The following COTL1 variants were observed in gnomAD, a reference collection of about 807,000 sequenced individuals.
The protein encoded by COTL1 is coactosin-like protein.
COTL1 carries 15 observed loss-of-function variants against 16.5 expected under a neutral mutation model. The ratio of observed to expected loss-of-function variants is 0.91; its 90% CI spans 0.61 to 1.40. The LOEUF is 1.40. Ranked by LOEUF, COTL1 falls within the 40% of genes most tolerant of loss-of-function variation. The pLI is 0.00. For missense variants in COTL1, 220 were observed against 201.5 expected (o/e 1.09, Z -0.56); for synonymous variants, 112 against 85.3 (o/e 1.31, Z -1.73).
chr16:84,612,506 G>A (rs1252912416), intron 2 of COTL1, among the ~76,000 whole-genome samples: 2 of 152,182 alleles, frequency 1.3e-5, no homozygotes, highest in African/African-American at 2.4e-5. Context: ...TTTGAGGCCG[G>A]GCGCGGTGGC....
Position 84,588,817 on chromosome 16 carries a change from C to T in COTL1, c.318+1288G>A, listed in dbSNP as rs372238369. Among the ~76,000 whole-genome samples the T allele has an allele frequency of 5.3e-5, 8 of 151,770 alleles. No individual in the cohort carries two copies. In the East Asian group the frequency reaches 1.4e-3, roughly 26 times the overall value. Reference sequence around the variant, plus strand: ...CAGGTGTGAGTCACTGTGCTCAGCCCGTTTTTGTTTTTGACAATTTGGTGA... The same window carrying T: ...CAGGTGTGAGTCACTGTGCTCAGCCTGTTTTTGTTTTTGACAATTTGGTGA... On this transcript the variant is annotated intron_variant, in intron 3 of 3. Coordinates refer to ENST00000262428, the MANE Select transcript of COTL1 (RefSeq NM_021149.5).
intron 3 of COTL1, among the ~76,000 whole-genome samples, chr16:84,587,180 G>C (rs1014105190): frequency 1.3e-5 from 2 of 152,202 alleles, no homozygotes; most frequent in Admixed American, 1.3e-4. Context: ...GGTTGAATAA[G>C]TGGTTTTCCA....
At chr16:84,597,154 C>A (rs78283382) in intron 2 of COTL1, among the ~76,000 whole-genome samples, 5,007 of 152,202 alleles carry the variant, frequency 0.033, 280 homozygotes, top group African/African-American at 0.11. Context: ...TGAGGCACTC[C>A]GAGGCACACA....
intron 3 of COTL1, among the ~76,000 whole-genome samples, chr16:84,570,954 CTTT>C (rs59583914): frequency 2.7e-5 from 4 of 147,664 alleles, no homozygotes; most frequent in Non-Finnish European, 4.5e-5. Flanking sequence ...CTCATTCCTG[CTTT>C]TTTTTTTTTT....
Position 84,566,663 on chromosome 16 carries a change from A to T in COTL1, c.*182T>A. Reference sequence around the variant, plus strand: ...GGTTCCATGAGCGTCATGAGATAGGACACGGCAGGGTTCTAAGGGAAGCGG... The same window carrying T: ...GGTTCCATGAGCGTCATGAGATAGGTCACGGCAGGGTTCTAAGGGAAGCGG... On this transcript the variant is annotated 3_prime_UTR_variant, in exon 4 of 4. Coordinates refer to ENST00000262428, the MANE Select transcript of COTL1 (RefSeq NM_021149.5). The T allele has an allele frequency of 3.5e-6, 2 of 563,642 alleles. No homozygotes were observed. The highest frequency in any genetic ancestry group is 3.0e-5 in the East Asian group (1 of 33,844). The allele number at this position is 563,642 out of a possible 1,614,324, so 34.9% of individuals were successfully genotyped here. A position where few individuals can be genotyped will look rare whatever the true frequency, so the allele number is the denominator to read the frequency against.
At chr16:84,617,021 A>C (rs551113322) in intron 2 of COTL1, among the ~76,000 whole-genome samples, 8 of 152,126 alleles carry the variant, frequency 5.3e-5, no homozygotes, top group Non-Finnish European at 8.8e-5. Context: ...TTTGCATCTG[A>C]TTCTACTCGT....
intron 3 of COTL1, among the ~76,000 whole-genome samples, chr16:84,586,553 A>G (rs1339135364): frequency 6.6e-6 from 1 of 152,224 alleles, no homozygotes; most frequent in Non-Finnish European, 1.5e-5. Flanking sequence ...GCTGAATTGT[A>G]CTTTAAAATG....
intron 2 of COTL1, among the ~76,000 whole-genome samples, chr16:84,617,290 G>C (rs1364396942): frequency 6.6e-6 from 1 of 152,208 alleles, no homozygotes; most frequent in South Asian, 2.1e-4. Context: ...GGATGGCGGA[G>C]GCAGGTGGGT....
chr16:84,617,346 G>A (rs1046993191), intron 2 of COTL1, among the ~76,000 whole-genome samples, 155 bp downstream of exon 2: 2 of 152,218 alleles, frequency 1.3e-5, no homozygotes, highest in East Asian at 1.9e-4. Context: ...GTTTTATGAG[G>A]CCTTAAAACG....
chr16:84,593,077 A>G (rs994110100), intron 2 of COTL1, among the ~76,000 whole-genome samples: 5 of 152,228 alleles, frequency 3.3e-5, no homozygotes, highest in Admixed American at 1.3e-4. Context: ...TTCATCATCA[A>G]CATCCAAATC....
At chr16:84,583,086 C>A (rs1277608509) in intron 3 of COTL1, among the ~76,000 whole-genome samples, 1 of 152,232 alleles carries the variant, frequency 6.6e-6, no homozygotes, top group Non-Finnish European at 1.5e-5. Context: ...TTCCCTGGTG[C>A]CAGAAGCCTT....
At chr16:84,602,890 G>A (rs1013716680) in intron 2 of COTL1, among the ~76,000 whole-genome samples, 12 of 151,848 alleles carry the variant, frequency 7.9e-5, no homozygotes, top group African/African-American at 2.9e-4. Context: ...AGGCCAAAAA[G>A]GCAGTGTTGC....
chr16:84,572,133 T>A (rs2150680010), intron 3 of COTL1, among the ~76,000 whole-genome samples: 1 of 152,356 alleles, frequency 6.6e-6, no homozygotes, highest in Non-Finnish European at 1.5e-5. Context: ...GGGAGTGGGC[T>A]TCATTGCATG....
chr16:84,589,808 C>T (rs1261036192), intron 3 of COTL1, among the ~76,000 whole-genome samples: 4 of 152,078 alleles, frequency 2.6e-5, no homozygotes, highest in African/African-American at 9.7e-5. Context: ...GTCCCCCCAC[C>T]AGTTCCCGTC....
Position 84,566,840 on chromosome 16 carries a change from T to C in COTL1, c.*5A>G. 6.3e-7 allele frequency: 1 copy of C among 1,577,008 alleles called. No individual in the cohort carries two copies. The highest frequency in any genetic ancestry group is 8.6e-7 in the Non-Finnish European group (1 of 1,159,514). On this transcript the variant is annotated 3_prime_UTR_variant, in exon 4 of 4. Transcript: ENST00000262428. The stretch of plus-strand genomic sequence containing the variant: ...TGGCAAGGGGTGGTGTGGCGGGGGC[T>C]GGGGTTACTCCGTCTGGGCGTCGTA...
chr16:84,590,339 A>T lies in COTL1; in HGVS notation c.161-77T>A. On this transcript the variant is annotated intron_variant, in intron 2 of 3. Transcript: ENST00000262428. The surrounding 1 kb of genome is among the most constrained non-coding windows in gnomAD (Gnocchi z 5.5). ...GTCATGTCCCTGGGGAGAGGCTGTG[A>T]GCCACGAGTGCGCCTGGAGCAGCAC... 1.3e-6 allele frequency: 2 copies of T among 1,544,000 alleles called. No individual in the cohort carries two copies. Among genetic ancestry groups the T allele is most frequent in the Non-Finnish European group, 1.8e-6 (2 of 1,133,998 alleles).
intron 3 of COTL1, among the ~76,000 whole-genome samples, chr16:84,578,708 T>A (rs1347901247): frequency 6.8e-6 from 1 of 146,824 alleles, no homozygotes; most frequent in Non-Finnish European, 1.5e-5. Context: ...CCCACACAGG[T>A]GCACACACAC....
At chr16:84,574,105 C>T (rs148856673) in intron 3 of COTL1, among the ~76,000 whole-genome samples, 1,874 of 152,044 alleles carry the variant, frequency 0.012, 49 homozygotes, top group African/African-American at 0.043. Context: ...GAGGTCGAGG[C>T]TGCCGTGAGC....
chr16:84,613,747 A>G (rs1269255861), intron 2 of COTL1, among the ~76,000 whole-genome samples: 1 of 152,214 alleles, frequency 6.6e-6, no homozygotes, highest in Non-Finnish European at 1.5e-5. Flanking sequence ...GCAAATGGAC[A>G]CTTTTGTGAA....
Sources: allele counts gnomAD v4.1 joint callset (sites outside exome capture counted in the v4.1 genomes callset), GRCh38; gene constraint gnomAD v4.1.1; non-coding constraint Gnocchi (gnomAD v3.1); transcripts MANE v1.5; gene names NCBI Gene and HGNC (gene_info 2026-07-23, HGNC 2026-07-21).